COX7B2: variants seen among roughly 807,000 people sequenced by gnomAD.
COX7B2 encodes the protein cytochrome c oxidase subunit 7B2.
For missense variants in COX7B2, 109 were observed against 95.9 expected (o/e 1.14, Z -0.57); for synonymous variants, 37 against 32.1 (o/e 1.15, Z -0.51).
intron 2 of COX7B2, among the ~76,000 whole-genome samples, chr4:46,830,968 T>C (rs1311497358): frequency 6.6e-6 from 1 of 152,174 alleles, no homozygotes; most frequent in Non-Finnish European, 1.5e-5. Context: ...AGCCCGACAC[T>C]GCACTGTGGG....
At chr4:46,782,194 G>A (rs13113934) in intron 2 of COX7B2, among the ~76,000 whole-genome samples, 3 of 152,108 alleles carry the variant, frequency 2.0e-5, no homozygotes, top group African/African-American at 7.2e-5. Flanking sequence ...AGCACTCTGT[G>A]TCTAGGTCAG....
chr4:46,756,090 C>A (rs1220481397), intron 2 of COX7B2, among the ~76,000 whole-genome samples: 1 of 151,960 alleles, frequency 6.6e-6, no homozygotes, highest in African/African-American at 2.4e-5. Context: ...ACCAAAACAC[C>A]ATGGTACTGG....
chr4:46,849,420 C>G (rs1716518473), intron 1 of COX7B2, among the ~76,000 whole-genome samples: 1 of 151,828 alleles, frequency 6.6e-6, no homozygotes, highest in Non-Finnish European at 1.5e-5. Flanking sequence ...TTTTAAATGC[C>G]CTCCCCATTT....
chr4:46,873,671 AT>A lies in COX7B2; in HGVS notation c.-104-28658del, dbSNP rs564151771. ...GAGCTTAATAAATTTTGCTATTACT[AT>A]TTTTTTTAATTATTATACTTTAAGA... On this transcript the variant is annotated intron_variant, in intron 1 of 2. Transcript: ENST00000355591. Among the ~76,000 whole-genome samples, 798 of 152,024 alleles carry A rather than the reference AT, an allele frequency of 5.2e-3. 7 individuals carry two copies. The highest frequency in any genetic ancestry group is 8.2e-3 in the Non-Finnish European group (560 of 67,946).
At chr4:46,777,547 T>C (rs1490749107) in intron 2 of COX7B2, among the ~76,000 whole-genome samples, 1 of 152,058 alleles carries the variant, frequency 6.6e-6, no homozygotes, top group African/African-American at 2.4e-5. Context: ...GATAAGTCCT[T>C]TGACTAAACA....
intron 1 of COX7B2, among the ~76,000 whole-genome samples, chr4:46,884,310 A>G (rs1183684396): frequency 1.3e-5 from 2 of 152,226 alleles, no homozygotes; most frequent in East Asian, 1.9e-4. Flanking sequence ...TCCTGCCTCA[A>G]CCTTCCACAG....
intron 1 of COX7B2, among the ~76,000 whole-genome samples, chr4:46,887,488 G>C (rs1719146022): frequency 6.6e-6 from 1 of 152,064 alleles, no homozygotes; most frequent in African/African-American, 2.4e-5. Flanking sequence ...AAGGCAGGTT[G>C]ATCACGAGGT....
At chr4:46,844,242 A>G (rs940352538) in intron 2 of COX7B2, among the ~76,000 whole-genome samples, 1 of 151,998 alleles carries the variant, frequency 6.6e-6, no homozygotes, top group Non-Finnish European at 1.5e-5. Context: ...ATATAATTTC[A>G]TACTTAATAA....
At chr4:46,798,765 A>G (rs965434485) in intron 2 of COX7B2, among the ~76,000 whole-genome samples, 2 of 152,132 alleles carry the variant, frequency 1.3e-5, no homozygotes, top group Non-Finnish European at 2.9e-5. Flanking sequence ...ACACTCTATC[A>G]TCCAACAGAA....
chr4:46,759,844 T>C lies in COX7B2; in HGVS notation c.-49-24603A>G, dbSNP rs192586104. On this transcript the variant is annotated intron_variant, in intron 2 of 2. Coordinates refer to ENST00000355591, the MANE Select transcript of COX7B2 (RefSeq NM_130902.3). ...TATAAGTCATATCTTATATAAGTTA[T>C]ATAAGTCATATCTTATATAAGTTAT... 6.8e-3 allele frequency among the ~76,000 whole-genome samples: 1,014 copies of C among 149,846 alleles called. 10 individuals carry two copies. Among genetic ancestry groups the C allele is most frequent in the African/African-American group, 0.024 (971 of 40,666 alleles).
At chr4:46,822,179 G>A (rs975122848) in intron 2 of COX7B2, among the ~76,000 whole-genome samples, 2 of 152,090 alleles carry the variant, frequency 1.3e-5, no homozygotes, top group Non-Finnish European at 2.9e-5. Context: ...CTGAAGTGTT[G>A]GGATTACAGA....
chr4:46,800,949 G>A (rs1718624146), intron 2 of COX7B2, among the ~76,000 whole-genome samples: 1 of 151,902 alleles, frequency 6.6e-6, no homozygotes, highest in Non-Finnish European at 1.5e-5. Flanking sequence ...AATGGGCAAA[G>A]GCATGAAGAG....
intron 1 of COX7B2, among the ~76,000 whole-genome samples, chr4:46,848,735 GTA>G (rs1716462690): frequency 6.6e-6 from 1 of 151,880 alleles, no homozygotes; most frequent in African/African-American, 2.4e-5. Context: ...CTTTATCTAT[GTA>G]TATGTTTACA....
chr4:46,827,269 A>C (rs1480698091), intron 2 of COX7B2, among the ~76,000 whole-genome samples: 1 of 152,162 alleles, frequency 6.6e-6, no homozygotes, highest in Non-Finnish European at 1.5e-5. Flanking sequence ...AGAAATTTAC[A>C]AACTCCAAAT....
At chr4:46,813,933 A>G (rs566216403) in intron 2 of COX7B2, among the ~76,000 whole-genome samples, 1 of 152,190 alleles carries the variant, frequency 6.6e-6, no homozygotes, top group Non-Finnish European at 1.5e-5. Flanking sequence ...TATGAAAAAA[A>G]GTTCAATATC....
chr4:46,811,550 T>G (rs1047693121), intron 2 of COX7B2, among the ~76,000 whole-genome samples: 3 of 152,220 alleles, frequency 2.0e-5, no homozygotes, highest in Non-Finnish European at 4.4e-5. Context: ...CTAATTACAC[T>G]GAATCATTTA....
At chr4:46,905,366 A>G (rs565630505) in intron 1 of COX7B2, among the ~76,000 whole-genome samples, 1 of 152,306 alleles carries the variant, frequency 6.6e-6, no homozygotes, top group African/African-American at 2.4e-5. Context: ...CCCAAACCCT[A>G]AAAGAGTTAT....
intron 2 of COX7B2, among the ~76,000 whole-genome samples, chr4:46,844,009 T>C (rs554146650): frequency 1.3e-5 from 2 of 152,012 alleles, no homozygotes; most frequent in South Asian, 2.1e-4. Flanking sequence ...GCAAGTTATA[T>C]CACCAGAGAG....
intron 2 of COX7B2, among the ~76,000 whole-genome samples, chr4:46,744,714 C>G (rs1714914656): frequency 6.8e-6 from 1 of 147,288 alleles, no homozygotes; most frequent in South Asian, 2.2e-4. Flanking sequence ...GCCTGTTTAA[C>G]TTTTAGATAT....
Sources: gnomAD v4.1 joint callset for allele counts (sites outside exome capture counted in the v4.1 genomes callset) on GRCh38, gnomAD v4.1.1 for gene constraint, MANE v1.5 for transcripts, NCBI Gene and HGNC (gene_info 2026-07-23, HGNC 2026-07-21) for gene names.